ARFGAP1: variants seen among roughly 807,000 people sequenced by gnomAD.
The protein encoded by ARFGAP1 is ARF GTPase activating protein 1.
A neutral mutation model predicts 54.0 loss-of-function variants in ARFGAP1; 26 were observed. That is an observed-to-expected ratio of 0.48 (90% CI 0.35 to 0.67). The LOEUF is 0.67. Among genes scored for constraint, ARFGAP1 ranks in the 30% least tolerant of loss-of-function variants. The pLI, the probability that ARFGAP1 is intolerant of heterozygous loss-of-function variation, is 0.00. For synonymous variants in ARFGAP1, 248 were observed against 211.9 expected, an observed-to-expected ratio of 1.17 and a Z score of -1.48; for missense variants, 525 against 535.8, an observed-to-expected ratio of 0.98 and a Z score of 0.20.
rs367627421 is a variant in ARFGAP1 at position 63,286,351 on chromosome 20, C to T, written c.835-15C>T. The T allele has an allele frequency of 6.2e-7, 1 of 1,612,974 alleles. No homozygotes were observed. Among genetic ancestry groups the T allele is most frequent in the East Asian group, 2.2e-5 (1 of 44,896 alleles). Reference sequence around the variant, plus strand: ...CGACAGGGCCTGCCTAACCTCTCTTCCCGTCTCCTTCCAGGTCCAGGGAGT... The same window carrying T: ...CGACAGGGCCTGCCTAACCTCTCTTTCCGTCTCCTTCCAGGTCCAGGGAGT... On this transcript the variant is annotated splice_polypyrimidine_tract_variant and intron_variant, in intron 11 of 12. Transcript: ENST00000370283.
intron 6 of ARFGAP1, chr20:63,278,678 G>T: frequency 1.8e-6 from 1 of 565,110 alleles, no homozygotes; most frequent in Non-Finnish European, 3.1e-6. Flanking sequence ...CTGGCTTTGG[G>T]GACTTGCTGG....
chr20:63,282,592 A>G (rs190090845), intron 8 of ARFGAP1, among the ~76,000 whole-genome samples: 14 of 152,282 alleles, frequency 9.2e-5, no homozygotes, highest in Admixed American at 4.6e-4. Flanking sequence ...CCTCACCCCA[A>G]TAGCACACCG....
rs752634490 is a variant in ARFGAP1, at chr20:63,284,887, C to G, written c.739C>G (p.Leu247Val). The change falls in exon 10 of 13, where the codon CTG becomes GTG. Residue 247 changes from leucine (L) to valine (V), a missense_variant. Leu to Val is a conservative substitution (Grantham distance 32). Coordinates refer to ENST00000370283, the MANE Select transcript of ARFGAP1 (RefSeq NM_018209.4). ...SQKASELGHS[L>V]NENVLKPAQE... ...ACAGGCGTCCGAGCTGGGCCACAGC[C>G]TGAACGAGAACGTCCTCAAGCCTGC... The G allele has an allele frequency of 6.2e-7, 1 of 1,613,148 alleles. No individual in the cohort carries two copies. Among genetic ancestry groups the G allele is most frequent in the Non-Finnish European group, 8.5e-7 (1 of 1,179,948 alleles).
chr20:63,275,755 C>T (rs1378367473), intron 2 of ARFGAP1, 115 bp downstream of exon 2: 7 of 1,067,278 alleles, frequency 6.6e-6, no homozygotes, highest in African/African-American at 3.1e-5. Flanking sequence ...TGGTGGTTGG[C>T]GTGGCTCTGG....
chr20:63,287,075 C>G (rs944896814), intron 12 of ARFGAP1, among the ~76,000 whole-genome samples: 2 of 152,258 alleles, frequency 1.3e-5, no homozygotes, highest in Non-Finnish European at 2.9e-5. Flanking sequence ...ATGCACTGCC[C>G]ACTAGGTGGG....
chr20:63,287,284 A>T (rs2067583557), intron 12 of ARFGAP1, among the ~76,000 whole-genome samples: 1 of 152,202 alleles, frequency 6.6e-6, no homozygotes, highest in African/African-American at 2.4e-5. Context: ...CCACTGTTTT[A>T]TTGCAGCAGT....
Position 63,275,590 on chromosome 20 carries a change from C to T in ARFGAP1, c.10C>T (p.Pro4Ser), listed in dbSNP as rs376698285. The T allele has an allele frequency of 9.9e-6, 16 of 1,613,744 alleles. No individual in the cohort carries two copies. Among genetic ancestry groups the T allele is most frequent in the African/African-American group, 1.3e-5 (1 of 74,916 alleles). MASPRTRKVLKEVR... is the reference protein window; with the variant it reads MASSRTRKVLKEVR... ...TCTCCTTTGCAGCATCATGGCCAGCCCAAGAACCAGGAAGGTTCTTAAAGA... is the reference window on the plus strand; with the variant it reads ...TCTCCTTTGCAGCATCATGGCCAGCTCAAGAACCAGGAAGGTTCTTAAAGA... The change falls in exon 2 of 13, where the codon CCA (proline) becomes TCA (serine). Residue 4 changes from proline to serine, a missense_variant. Transcript: ENST00000370283.
chr20:63,287,027 T>C (rs1190922637), intron 12 of ARFGAP1, among the ~76,000 whole-genome samples: 2 of 152,270 alleles, frequency 1.3e-5, no homozygotes, highest in Non-Finnish European at 2.9e-5. Context: ...GGCCTGGCCT[T>C]GTGCTGTCTA....
intron 10 of ARFGAP1, 78 bp from the exon 11 acceptor site, chr20:63,285,576 G>C: frequency 6.7e-7 from 1 of 1,483,660 alleles, no homozygotes; most frequent in East Asian, 2.3e-5. Flanking sequence ...GCCCTCACCC[G>C]GGGGATTCCT....
In ARFGAP1 at chr20:63,276,780, C is replaced by T; in HGVS notation, c.342+129C>T. ...TGGTTCTGACACACCCACTGGGCCACACACAACTTGCCGCCCTGGAGCAGA... is the reference window on the plus strand; with the variant it reads ...TGGTTCTGACACACCCACTGGGCCATACACAACTTGCCGCCCTGGAGCAGA... On this transcript the variant is annotated intron_variant, in intron 4 of 12. Transcript: ENST00000370283. This position sits in a 1 kb window ranked among gnomAD's most constrained non-coding sequence, Gnocchi z 5.2. 1 of 1,143,110 alleles carries T rather than the reference C, an allele frequency of 8.7e-7. No homozygotes were observed. Among genetic ancestry groups the T allele is most frequent in the Non-Finnish European group, 1.2e-6 (1 of 829,416 alleles). The allele number at this position is 1,143,110 out of a possible 1,614,324, so 70.8% of individuals were successfully genotyped here. A position where few individuals can be genotyped will look rare whatever the true frequency, so the allele number is the denominator to read the frequency against.
At chr20:63,284,536 G>A (rs1032006080) in intron 9 of ARFGAP1, 9 of 1,192,820 alleles carry the variant, frequency 7.5e-6, no homozygotes, top group Middle Eastern at 4.5e-4. Context: ...GGCTGCAGCC[G>A]GCGTTGGCCT....
At chr20:63,282,093 C>T (rs906325597) in intron 8 of ARFGAP1, among the ~76,000 whole-genome samples, 3 of 152,052 alleles carry the variant, frequency 2.0e-5, no homozygotes, top group African/African-American at 4.8e-5. Flanking sequence ...CCCGTGTCTT[C>T]CCCCGTCACA....
At chr20:63,283,714 G>A (rs2067446869) in intron 9 of ARFGAP1, 2 of 893,858 alleles carry the variant, frequency 2.2e-6, no homozygotes, top group African/African-American at 3.3e-5. Flanking sequence ...GGCTGCTCCA[G>A]GGTTGTGTTG....
rs1200095443 is a variant in ARFGAP1, at chr20:63,277,235, T to C, written c.373T>C (p.Ser125Pro). Reference protein sequence around the residue: ...VVALAEGREWSLESSPAQNWT... With the variant: ...VVALAEGREWPLESSPAQNWT... ...CGCTCTGGCCGAAGGCAGAGAGTGG[T>C]CTCTGGAGTCATCACCTGCCCAGAA... Residue 125 changes from serine to proline, a missense_variant, in exon 5 of 13, where the codon TCT (serine) becomes CCT (proline). Around this residue, in one of 3 missense-constraint regions of ARFGAP1, gnomAD observed 466 missense variants for 453.6 expected, o/e 1.03. Transcript: ENST00000370283. 1 of 1,612,802 alleles carries C rather than the reference T, an allele frequency of 6.2e-7. No individual in the cohort carries two copies. The highest frequency in any genetic ancestry group is 1.3e-5 in the African/African-American group (1 of 74,948).
At chr20:63,278,092 AC>A in intron 5 of ARFGAP1, 24 bp from the exon 6 acceptor site, 20 of 1,612,326 alleles carry the variant, frequency 1.2e-5, no homozygotes, top group Non-Finnish European at 1.7e-5. Flanking sequence ...TTTTGGCCTT[AC>A]CAGCCTTCGA....
Position 63,276,867 on chromosome 20 carries a change from A to G in ARFGAP1, c.342+216A>G, listed in dbSNP as rs2067249179. The G allele has an allele frequency of 1.7e-6, 1 of 573,226 alleles. No individual in the cohort carries two copies. The highest frequency in any genetic ancestry group is 3.0e-6 in the Non-Finnish European group (1 of 328,334). The allele number at this position is 573,226 out of a possible 1,614,324, so 35.5% of individuals were successfully genotyped here. On this transcript the variant is annotated intron_variant, in intron 4 of 12. Coordinates refer to ENST00000370283, the MANE Select transcript of ARFGAP1 (RefSeq NM_018209.4). This position sits in a 1 kb window ranked among gnomAD's most constrained non-coding sequence, Gnocchi z 5.2. ...GGGGAGACAGACCTTCCCCGCCTCC[A>G]GGGGAGAAAGCAGCTGTGACCGTTT...
At chr20:63,275,739 A>G (rs922792715) in intron 2 of ARFGAP1, 99 bp downstream of exon 2, 1 of 1,200,584 alleles carries the variant, frequency 8.3e-7, no homozygotes, top group South Asian at 1.2e-5. Context: ...ACCCTCCTGC[A>G]GTGGATGGTG....
intron 12 of ARFGAP1, chr20:63,286,793 G>C: frequency 3.7e-6 from 1 of 267,736 alleles, no homozygotes. Context: ...ATGCCCCCAC[G>C]TAGGAGGAGC....
In ARFGAP1 at chr20:63,288,415, C is replaced by G; in HGVS notation, c.*542C>G. ...ACCACCCTCGGCTCCCGAGTCCACG[C>G]CTGCCTGGGCCTGTGCTGTCAGACC... On this transcript the variant is annotated 3_prime_UTR_variant, in exon 13 of 13. Coordinates refer to ENST00000370283, the MANE Select transcript of ARFGAP1 (RefSeq NM_018209.4). 2.2e-6 allele frequency: 1 copy of G among 456,220 alleles called. No individual in the cohort carries two copies. Among genetic ancestry groups the G allele is most frequent in the Non-Finnish European group, 4.4e-6 (1 of 226,872 alleles). 28.3% of individuals were successfully genotyped at this position (456,220 alleles called of 1,614,324 possible).
Sources: gnomAD v4.1 joint callset for allele counts (sites outside exome capture counted in the v4.1 genomes callset) on GRCh38, gnomAD v4.1.1 for gene constraint, gnomAD v4.1.1 regional missense constraint, Gnocchi (gnomAD v3.1) non-coding constraint, MANE v1.5 for transcripts, NCBI Gene and HGNC (gene_info 2026-07-23, HGNC 2026-07-21) for gene names.